KLHL13: variants seen among roughly 807,000 people sequenced by gnomAD.
KLHL13 encodes the protein kelch-like protein 13.
Under a neutral mutation model 37.1 loss-of-function variants are expected in KLHL13, and 10 were observed. The ratio of observed to expected loss-of-function variants is 0.27; its 90% CI spans 0.17 to 0.46. KLHL13 has a LOEUF of 0.46. Ranked by LOEUF, KLHL13 falls within the 20% of genes least tolerant of loss-of-function variation. The probability of loss-of-function intolerance (pLI) is 1.00; values close to 1 mark genes in which losing one functional copy is unlikely to be tolerated. For synonymous variants in KLHL13, 163 were observed against 181.2 expected, an observed-to-expected ratio of 0.90 and a Z score of 0.81; for missense variants, 360 against 509.3, an observed-to-expected ratio of 0.71 and a Z score of 2.82.
At chrX:118,032,826 G>A (rs1274731633) in intron 1 of KLHL13, among the ~76,000 whole-genome samples, 1 of 111,481 alleles carries the variant, frequency 9.0e-6, no homozygotes, top group African/African-American at 3.3e-5. Flanking sequence ...CAAAGGCAAG[G>A]AAGTTGAAAA....
intron 4 of KLHL13, among the ~76,000 whole-genome samples, chrX:117,916,181 A>AC (rs200920974): frequency 0.022 from 2,449 of 111,108 alleles, 53 homozygotes; most frequent in African/African-American, 0.073. Flanking sequence ...AAACAAACAA[A>AC]AAAAAAAACA....
chrX:118,005,462 C>T (rs765758151), intron 1 of KLHL13, among the ~76,000 whole-genome samples: 28 of 111,178 alleles, frequency 2.5e-4, no homozygotes, highest in Admixed American at 1.1e-3. Context: ...ATTCCTGGGA[C>T]CTATGCATAT....
At chrX:118,073,034 C>G (rs1175328791) in intron 1 of KLHL13, among the ~76,000 whole-genome samples, 1 of 108,387 alleles carries the variant, frequency 9.2e-6, no homozygotes, top group Non-Finnish European at 1.9e-5. Flanking sequence ...GTCAAGGCTT[C>G]AGCGAACCAA....
chrX:117,936,724 C>T (rs1457529955), intron 2 of KLHL13, among the ~76,000 whole-genome samples: 2 of 110,731 alleles, frequency 1.8e-5, no homozygotes, highest in Admixed American at 1.9e-4. Flanking sequence ...CCATTAATGA[C>T]GCAGGGGCTC....
chrX:117,953,540 AC>A (rs1383082711), intron 1 of KLHL13, among the ~76,000 whole-genome samples: 1 of 110,834 alleles, frequency 9.0e-6, no homozygotes, highest in Non-Finnish European at 1.9e-5. Flanking sequence ...GTACCCTAAA[AC>A]TTAAAGTATA....
intron 1 of KLHL13, among the ~76,000 whole-genome samples, chrX:117,991,846 ACT>A (rs56373597): frequency 0.25 from 15,578 of 62,875 alleles, 1,734 homozygotes; most frequent in Admixed American, 0.31. Flanking sequence ...CTACAGTGAA[ACT>A]CTCTCTCTCT....
intron 1 of KLHL13, among the ~76,000 whole-genome samples, chrX:117,979,334 A>G (rs549318835): frequency 7.1e-5 from 8 of 112,065 alleles, no homozygotes; most frequent in African/African-American, 2.6e-4. Flanking sequence ...GAGACGATTT[A>G]TCATCATCAG....
At chrX:118,032,818 A>C (rs1033496150) in intron 1 of KLHL13, among the ~76,000 whole-genome samples, 7 of 111,610 alleles carry the variant, frequency 6.3e-5, no homozygotes, top group Non-Finnish European at 1.3e-4. Flanking sequence ...ATTCAAACCA[A>C]AGGCAAGGAA....
At chrX:117,981,145 A>C (rs1304760111) in intron 1 of KLHL13, among the ~76,000 whole-genome samples, 1 of 112,303 alleles carries the variant, frequency 8.9e-6, no homozygotes, top group African/African-American at 3.2e-5. Context: ...TATGTAATTT[A>C]AAATTGCTGT....
intron 1 of KLHL13, among the ~76,000 whole-genome samples, chrX:118,021,688 C>T (rs148757224): frequency 5.5e-5 from 6 of 108,636 alleles, no homozygotes; most frequent in African/African-American, 1.1e-4. Context: ...TGAATAGTGT[C>T]GCAATAAACA....
intron 1 of KLHL13, among the ~76,000 whole-genome samples, chrX:117,960,129 G>A (rs1269238902): frequency 9.0e-6 from 1 of 111,137 alleles, no homozygotes; most frequent in Non-Finnish European, 1.9e-5. Context: ...TGTAATCCCA[G>A]CACTTTGCGG....
At chrX:117,949,083 A>G (rs936199697) in intron 1 of KLHL13, among the ~76,000 whole-genome samples, 4 of 112,452 alleles carry the variant, frequency 3.6e-5, no homozygotes, top group African/African-American at 1.3e-4. Flanking sequence ...TGAGCACACA[A>G]TTCACAAAGA....
chrX:118,110,747 T>A (rs1368403390), intron 1 of KLHL13, among the ~76,000 whole-genome samples: 2 of 111,711 alleles, frequency 1.8e-5, no homozygotes, highest in Admixed American at 1.9e-4. Context: ...TGCAAAAAAA[T>A]AAGTGTCTAA....
intron 4 of KLHL13, 112 bp from the exon 6 acceptor site, chrX:117,910,208 A>T (rs1930884600): frequency 5.9e-6 from 3 of 506,189 alleles, no homozygotes; most frequent in Non-Finnish European, 9.3e-6. Context: ...TAATGTTCAA[A>T]TAGATACAAA....
In KLHL13 at chrX:117,916,719, GA is replaced by G. The variant is rs779178953; in HGVS notation, c.570+2801del. 2.3e-3 allele frequency among the ~76,000 whole-genome samples: 257 copies of G among 112,076 alleles called. 3 individuals carry two copies. Among genetic ancestry groups the G allele is most frequent in the South Asian group, 0.011 (30 of 2,668 alleles). ...CTTCTTCCTCCACACAAATGATTGA[GA>G]ATAGGATAGAACAGAATTGTATTAG... On this transcript the variant is annotated intron_variant, in intron 4 of 6. Coordinates refer to ENST00000262820, the Ensembl canonical transcript of KLHL13.
chrX:118,060,617 T>A (rs1016082428), intron 1 of KLHL13, among the ~76,000 whole-genome samples: 5 of 110,531 alleles, frequency 4.5e-5, no homozygotes, highest in Non-Finnish European at 9.5e-5. Flanking sequence ...TTTTACAGAT[T>A]AAAAAAAACA....
chrX:118,064,833 G>A (rs754107863), intron 1 of KLHL13, among the ~76,000 whole-genome samples: 39 of 111,245 alleles, frequency 3.5e-4, no homozygotes, highest in African/African-American at 1.2e-3. Flanking sequence ...GGATAACAAC[G>A]CCTACTTCTC....
At position 118,083,292 on chromosome X, in the gene KLHL13, TGCA is replaced by T. The variant is rs368833240; in HGVS notation, c.-56+33213_-56+33215del. On this transcript the variant is annotated intron_variant, in intron 1 of 6. Transcript: ENST00000371882. ...CATATACCTATGCCCTCGTGTTTAC[TGCA>T]GCACTATTAACAATAACCAAAATAT... is the stretch of plus-strand genomic sequence containing the variant. Among the ~76,000 whole-genome samples the T allele has an allele frequency of 5.8e-3, 649 of 111,606 alleles. 8 individuals are homozygous for T. Among genetic ancestry groups the T allele is most frequent in the African/African-American group, 0.019 (597 of 30,773 alleles).
At chrX:118,095,208 A>C (rs775326858) in intron 1 of KLHL13, among the ~76,000 whole-genome samples, 4 of 110,888 alleles carry the variant, frequency 3.6e-5, no homozygotes, top group Non-Finnish European at 3.8e-5. Flanking sequence ...CTACCAAGCA[A>C]ATGGAAAACA....
Sources: allele counts gnomAD v4.1 joint callset (sites outside exome capture counted in the v4.1 genomes callset), GRCh38; gene constraint gnomAD v4.1.1; transcripts MANE v1.5; gene names NCBI Gene and HGNC (gene_info 2026-07-23, HGNC 2026-07-21).